MSH6: variants seen among roughly 807,000 people sequenced by gnomAD.
MSH6 encodes the protein DNA mismatch repair protein Msh6.
A neutral mutation model predicts 119.1 loss-of-function variants in MSH6; 85 were observed. The ratio of observed to expected loss-of-function variants is 0.71; its 90% confidence interval spans 0.60 to 0.85. MSH6 has a LOEUF of 0.85. MSH6 is among the 40% of genes least tolerant of loss of function. MSH6 has a pLI of 0.00. For missense variants in MSH6, 2,163 were observed against 1,655.3 expected, an observed-to-expected ratio of 1.31 and a Z score of -5.32; for synonymous variants, 830 against 586.9, an observed-to-expected ratio of 1.41 and a Z score of -5.99.
chr2:47,804,886 G>T (rs777421467), intron 5 of MSH6, 24 bp from the exon 6 acceptor site: 5 of 1,561,188 alleles, frequency 3.2e-6, no homozygotes, highest in African/African-American at 1.4e-5. Context: ...AGTCATAAAA[G>T]ACCTTTTCCT....
At chr2:47,785,716 A>G (rs754993383) in intron 1 of MSH6, among the ~76,000 whole-genome samples, 11 of 152,340 alleles carry the variant, frequency 7.2e-5, no homozygotes, top group Middle Eastern at 3.4e-3. Context: ...CCGCAATAAC[A>G]AACTCCTGGT....
intron 1 of MSH6, chr2:47,783,817 C>T: frequency 1.6e-6 from 1 of 621,726 alleles, no homozygotes; most frequent in Non-Finnish European, 2.0e-6. Flanking sequence ...ACGCGCGCAG[C>T]TCCGGGTGGG....
In MSH6 at chr2:47,799,978, G is replaced by C. The variant is rs587778532; in HGVS notation, c.1995G>C (p.Glu665Asp). ...LPQVLKGMTS[E>D]SDSIGLTPGE... ...AGGTGCTTAAAGGTATGACTTCAGA[G>C]TCTGATTCCATTGGGTTGACACCAG... Residue 665 changes from glutamate (E) to aspartate (D), a missense_variant, in exon 4 of 10, where the codon GAG becomes GAC. Coordinates refer to ENST00000234420, the MANE Select transcript of MSH6 (RefSeq NM_000179.3). 5 of 1,613,990 alleles carry C rather than the reference G, an allele frequency of 3.1e-6. No individual in the cohort carries two copies. The highest frequency in any genetic ancestry group is 1.3e-5 in the African/African-American group (1 of 74,908).
At chr2:47,796,194 C>A in intron 3 of MSH6, 131 bp downstream of exon 3, 3 of 934,714 alleles carry the variant, frequency 3.2e-6, no homozygotes, top group Middle Eastern at 3.1e-4. Flanking sequence ...TACATACATG[C>A]ATACTTCTGT....
At chr2:47,796,136 CAAGATA>C in intron 3 of MSH6, 73 bp downstream of exon 3, 1 of 1,475,276 alleles carries the variant, frequency 6.8e-7, no homozygotes, top group South Asian at 1.1e-5. Flanking sequence ...GGTGTATTAA[CAAGATA>C]CCTTGTTTTA....
At chr2:47,786,948 T>G (rs1402104860) in intron 1 of MSH6, among the ~76,000 whole-genome samples, 2 of 152,148 alleles carry the variant, frequency 1.3e-5, no homozygotes, top group Admixed American at 6.5e-5. Context: ...ATGGCATCTT[T>G]CGATGAACAA....
chr2:47,809,333 A>G, downstream of MSH6: 1 of 1,033,784 alleles, frequency 9.7e-7, no homozygotes. Context: ...CAAAGATTAT[A>G]GGATTATTCT....
At chr2:47,797,082 T>G (rs1447035326) in intron 3 of MSH6, among the ~76,000 whole-genome samples, 1 of 152,226 alleles carries the variant, frequency 6.6e-6, no homozygotes, top group Non-Finnish European at 1.5e-5. Context: ...AACACAAATT[T>G]GTAAACTTTC....
intron 1 of MSH6, chr2:47,783,872 G>A (rs1208801943): frequency 2.0e-6 from 2 of 980,668 alleles, no homozygotes; most frequent in African/African-American, 1.8e-5. Context: ...GGCGAGAAGG[G>A]GAAGGCGCCC....
intron 1 of MSH6, among the ~76,000 whole-genome samples, chr2:47,788,519 C>G (rs962293905): frequency 1.4e-5 from 2 of 147,370 alleles, no homozygotes; most frequent in African/African-American, 5.0e-5. Flanking sequence ...TTTCAAAGTG[C>G]TGGGATTACA....
At position 47,783,251 on chromosome 2, in the gene MSH6, C is replaced by T. The variant is rs909257611; in HGVS notation, c.18C>T (p.Thr6=). MSRQS[T]LYSFFPKSPA... ...CTGTCGGTATGTCGCGACAGAGCAC[C>T]CTGTACAGCTTCTTCCCCAAGTCTC... is the stretch of plus-strand genomic sequence containing the variant. Residue 6 remains threonine, a synonymous_variant, in exon 1 of 10, where the codon ACC becomes ACT. Coordinates refer to ENST00000234420, the MANE Select transcript of MSH6 (RefSeq NM_000179.3). 32 of 1,611,806 alleles carry T rather than the reference C, an allele frequency of 2.0e-5. No homozygotes were observed. The highest frequency in any genetic ancestry group is 2.5e-5 in the Non-Finnish European group (30 of 1,179,524).
intron 2 of MSH6, among the ~76,000 whole-genome samples, chr2:47,791,665 C>CTCTT (rs922405237): frequency 1.3e-5 from 2 of 149,594 alleles, no homozygotes; most frequent in Admixed American, 6.7e-5. Flanking sequence ...TGTACAAGTT[C>CTCTT]TCTTTCTTTC....
At position 47,791,857 on chromosome 2, in the gene MSH6, T is replaced by C. The variant is rs118046692; in HGVS notation, c.457+734T>C. On this transcript the variant is annotated intron_variant, in intron 2 of 9. Transcript: ENST00000234420. Reference sequence around the variant, plus strand: ...GTTGCCTGGCTATATATATATATTTTTTTTTTGAGACGGAGTTTTGCTCTT... The same window carrying C: ...GTTGCCTGGCTATATATATATATTTCTTTTTTGAGACGGAGTTTTGCTCTT... Among the ~76,000 whole-genome samples, 264 of 151,874 alleles carry C rather than the reference T, an allele frequency of 1.7e-3. 4 individuals carry two copies. In the East Asian group the frequency reaches 0.024, roughly 14 times the overall value.
intron 3 of MSH6, 59 bp from the exon 4 acceptor site, chr2:47,798,552 T>C (rs140123576): frequency 1.8e-5 from 28 of 1,574,494 alleles, no homozygotes; most frequent in Non-Finnish European, 2.3e-5. Flanking sequence ...TTGAACTGTC[T>C]TACATTATGG....
chr2:47,789,592 C>T (rs1464706178), intron 1 of MSH6, among the ~76,000 whole-genome samples: 1 of 152,062 alleles, frequency 6.6e-6, no homozygotes, highest in Admixed American at 6.6e-5. Context: ...AGGTAACAGC[C>T]CTTTTCTAAG....
At chr2:47,788,906 C>CTTTTTTTTTTTTTTGTTTT (rs1491155839) in intron 1 of MSH6, among the ~76,000 whole-genome samples, 1 of 15,828 alleles carries the variant, frequency 6.3e-5, no homozygotes, top group African/African-American at 3.9e-4. Context: ...CTTTCTTCTT[C>CTTTTTTTTTTTTTTGTTTT]CTTTTTTTTT....
rs773193199 is a variant in MSH6 at position 47,800,339 on chromosome 2, T to C, written c.2356T>C (p.Tyr786His). 1.2e-6 allele frequency: 2 copies of C among 1,613,988 alleles called. No homozygotes were observed. Among genetic ancestry groups the C allele is most frequent in the African/African-American group, 1.3e-5 (1 of 74,906 alleles). ...QWLCAPLCNH[Y>H]AINDRLDAIE... Reference sequence around the variant, plus strand: ...GCTTTGTGCCCCACTCTGTAACCATTATGCTATTAATGATCGTCTAGATGC... The same window carrying C: ...GCTTTGTGCCCCACTCTGTAACCATCATGCTATTAATGATCGTCTAGATGC... Residue 786 changes from tyrosine (Y) to histidine (H), a missense_variant, in exon 4 of 10, where the codon TAT becomes CAT. By Grantham distance (83) the Tyr-to-His change is moderately conservative. Transcript: ENST00000234420.
At position 47,799,899 on chromosome 2, in the gene MSH6, A is replaced by G. The variant is rs1483259210; in HGVS notation, c.1916A>G (p.Glu639Gly). The change falls in exon 4 of 10, where the codon GAG becomes GGG. Residue 639 changes from glutamate to glycine, a missense_variant. Transcript: ENST00000234420. ...TCCAAAACTTTGAGAACTCTCCTTGAGGAAGAATATTTTAGGGAAAAGCTA... is the reference window on the plus strand; with the variant it reads ...TCCAAAACTTTGAGAACTCTCCTTGGGGAAGAATATTTTAGGGAAAAGCTA... ...DASKTLRTLL[E>G]EEYFREKLSD... 1 of 1,614,176 alleles carries G rather than the reference A, an allele frequency of 6.2e-7. No individual in the cohort carries two copies. The highest frequency in any genetic ancestry group is 8.5e-7 in the Non-Finnish European group (1 of 1,180,032).
chr2:47,796,656 A>G (rs1669113678), intron 3 of MSH6, among the ~76,000 whole-genome samples: 4 of 152,238 alleles, frequency 2.6e-5, no homozygotes, highest in African/African-American at 9.6e-5. Context: ...GGTCATGGAT[A>G]AAGTGAATTA....
Sources: allele counts gnomAD v4.1 joint callset (sites outside exome capture counted in the v4.1 genomes callset), GRCh38; gene constraint gnomAD v4.1.1; transcripts MANE v1.5; gene names NCBI Gene and HGNC (gene_info 2026-07-23, HGNC 2026-07-21).